The following FRMD1 variants were observed in gnomAD, a reference collection of about 807,000 sequenced individuals.
FRMD1 encodes the protein FERM domain-containing protein 1.
Under a neutral mutation model 54.9 loss-of-function variants are expected in FRMD1, and 51 were observed. That is an observed-to-expected ratio of 0.93 (90% CI 0.74 to 1.17). FRMD1 has a LOEUF of 1.17. Ranked by LOEUF, FRMD1 falls within the 50% of genes most tolerant of loss-of-function variation. FRMD1 has a pLI of 0.00. For synonymous variants in FRMD1, 324 were observed against 306.4 expected (o/e 1.06, Z -0.60); for missense variants, 729 against 743.0 (o/e 0.98, Z 0.22).
chr6:168,078,504 A>T (rs1486290230), intron 1 of FRMD1, among the ~76,000 whole-genome samples: 3 of 151,062 alleles, frequency 2.0e-5, no homozygotes, highest in African/African-American at 7.3e-5. Flanking sequence ...CTGTGTCCTG[A>T]GGCTCTGCTC....
intron 2 of FRMD1, among the ~76,000 whole-genome samples, chr6:168,069,849 G>A (rs1041866512): frequency 2.0e-5 from 3 of 152,162 alleles, no homozygotes; most frequent in East Asian, 1.9e-4. Flanking sequence ...GGTGATGGGC[G>A]CACCCTTCTT....
At chr6:168,083,800 C>T (rs557725831), upstream of FRMD1, among the ~76,000 whole-genome samples, 3 of 152,238 alleles carry the variant, frequency 2.0e-5, no homozygotes. Flanking sequence ...CCGGGGAAGA[C>T]AGCAGAGCCA....
chr6:168,065,762 C>T (rs1040612136), intron 4 of FRMD1: 15 of 992,244 alleles, frequency 1.5e-5, no homozygotes, highest in Non-Finnish European at 1.8e-5. Context: ...TCCCACACAA[C>T]CACACGCCCC....
chr6:168,066,133 G>T, intron 4 of FRMD1: 1 of 988,854 alleles, frequency 1.0e-6, no homozygotes. Flanking sequence ...TTAGCCCAGC[G>T]ACCTCCAGAA....
At chr6:168,088,216 G>C (rs923755951) in intron 1 of FRMD1, among the ~76,000 whole-genome samples, 4 of 152,210 alleles carry the variant, frequency 2.6e-5, no homozygotes, top group African/African-American at 9.7e-5. Flanking sequence ...GGGGTCTCAG[G>C]GTGGGGACTA....
At chr6:168,092,102 A>G (rs998044568) in intron 1 of FRMD1, among the ~76,000 whole-genome samples, 4 of 152,246 alleles carry the variant, frequency 2.6e-5, no homozygotes, top group African/African-American at 9.6e-5. Context: ...CTCTGTGGAC[A>G]GAGCGCTGCC....
At chr6:168,086,164 C>T (rs575790874), upstream of FRMD1, among the ~76,000 whole-genome samples, 1 of 152,348 alleles carries the variant, frequency 6.6e-6, no homozygotes, top group East Asian at 1.9e-4. Flanking sequence ...TGGATACCAC[C>T]AATGTCCCAG....
chr6:168,078,985 C>CAT lies in FRMD1; in HGVS notation c.108_109dup (p.Cys37TyrfsTer37). The stretch of plus-strand genomic sequence containing the variant: ...TCCCAGGGTCGGCTCCTGCTGACTG[C>CAT]ATGCAGGCCTCTCAGGACTGGGTTC... On this transcript the variant is annotated frameshift_variant, in exon 1 of 11. Transcript: ENST00000283309. LOFTEE classifies it high-confidence loss of function. 4 of 1,612,370 alleles carry CAT rather than the reference C, an allele frequency of 2.5e-6. No homozygotes were observed. The highest frequency in any genetic ancestry group is 3.4e-6 in the Non-Finnish European group (4 of 1,179,952).
intron 3 of FRMD1, chr6:168,067,160 A>G: frequency 2.9e-6 from 2 of 700,806 alleles, no homozygotes; most frequent in Non-Finnish European, 5.2e-6. Context: ...ACATTGGTCC[A>G]GCACAGTCCA....
upstream of FRMD1, among the ~76,000 whole-genome samples, chr6:168,085,314 C>T (rs1800898936): frequency 6.6e-6 from 1 of 152,234 alleles, no homozygotes; most frequent in Non-Finnish European, 1.5e-5. Context: ...AAAGTGGCAG[C>T]CGCCTGGCTC....
chr6:168,058,771 G>C (rs563258295), intron 10 of FRMD1, among the ~76,000 whole-genome samples: 1 of 152,180 alleles, frequency 6.6e-6, no homozygotes, highest in African/African-American at 2.4e-5. Context: ...TGGACGAAGG[G>C]GACGGGGCAG....
intron 2 of FRMD1, among the ~76,000 whole-genome samples, chr6:168,073,051 T>G (rs1800387461): frequency 6.6e-6 from 1 of 152,190 alleles, no homozygotes. Flanking sequence ...GAATGGCAGC[T>G]GTGGACAAAC....
intron 1 of FRMD1, among the ~76,000 whole-genome samples, chr6:168,089,189 G>C (rs548827046): frequency 3.1e-4 from 47 of 152,350 alleles, no homozygotes; most frequent in African/African-American, 1.1e-3. Flanking sequence ...TCCGCCAGTG[G>C]TTCCCTGGGG....
At position 168,057,286 on chromosome 6, in the gene FRMD1, G is replaced by A. The variant is rs3734899; in HGVS notation, c.1461C>T (p.Asp487=). 722,525 of 1,610,932 alleles carry A rather than the reference G, an allele frequency of 0.45. 164,780 individuals carry two copies. Among genetic ancestry groups the A allele is most frequent in the South Asian group, 0.56 (50,951 of 90,912 alleles). ...GGGCCAGCTGGTGCAGCTGCATGTC[G>A]TCCAGGCCATGGCTGTGCTGCTCCT... The part of the protein sequence containing the change: ...VSEEQHSHGL[D]DMQLHQLALH... The change falls in exon 11 of 11, where the codon GAC becomes GAT. Residue 487 remains aspartate, a synonymous_variant. Coordinates refer to ENST00000283309, the MANE Select transcript of FRMD1 (RefSeq NM_024919.6).
upstream of FRMD1, among the ~76,000 whole-genome samples, chr6:168,085,502 C>T (rs922787177): frequency 1.3e-5 from 2 of 152,224 alleles, no homozygotes; most frequent in African/African-American, 4.8e-5. Flanking sequence ...TATGAATGGC[C>T]ACCCACAGCC....
chr6:168,075,444 C>G (rs1800542408), intron 1 of FRMD1, 109 bp from the exon 2 acceptor site: 1 of 830,290 alleles, frequency 1.2e-6, no homozygotes. Context: ...CCCAGTCAGG[C>G]ATCCCCTGCA....
chr6:168,076,553 C>A (rs1342162270), intron 1 of FRMD1, among the ~76,000 whole-genome samples: 1 of 152,160 alleles, frequency 6.6e-6, no homozygotes, highest in Non-Finnish European at 1.5e-5. Context: ...TAAGGCACTT[C>A]CCCCTTCGCT....
intron 2 of FRMD1, among the ~76,000 whole-genome samples, chr6:168,073,586 A>G (rs1583197298): frequency 6.6e-6 from 1 of 151,678 alleles, no homozygotes; most frequent in Non-Finnish European, 1.5e-5. Flanking sequence ...AGACAGGGGC[A>G]CTCTCGCCTC....
At chr6:168,062,702 G>A (rs113380735) in intron 7 of FRMD1, 192 bp downstream of exon 7, 27 of 1,551,494 alleles carry the variant, frequency 1.7e-5, no homozygotes, top group Middle Eastern at 1.7e-4. Context: ...GTGGGGCCAG[G>A]GGAGGTCGTA....
Sources: allele counts gnomAD v4.1 joint callset (sites outside exome capture counted in the v4.1 genomes callset), GRCh38; gene constraint gnomAD v4.1.1; transcripts MANE v1.5; gene names NCBI Gene and HGNC (gene_info 2026-07-23, HGNC 2026-07-21).